The following GET1 variants were observed in gnomAD, a reference collection of about 807,000 sequenced individuals.
The protein encoded by GET1 is congenital heart disease 5 protein.
A neutral mutation model predicts 22.6 loss-of-function variants in GET1; 20 were observed. That is an observed-to-expected ratio of 0.89 (90% CI 0.62 to 1.29). The LOEUF is 1.29. Ranked by LOEUF, GET1 falls within the 50% of genes most tolerant of loss-of-function variation. The probability of loss-of-function intolerance (pLI) is 0.00; values close to 1 mark genes in which losing one functional copy is unlikely to be tolerated. For synonymous variants in GET1, 92 were observed against 83.8 expected (o/e 1.10, Z -0.53); for missense variants, 209 against 219.9 (o/e 0.95, Z 0.31).
intron 1 of GET1, among the ~76,000 whole-genome samples, chr21:39,417,804 C>CAGCCAG (rs2041507058): frequency 6.6e-6 from 1 of 151,822 alleles, no homozygotes; most frequent in South Asian, 2.1e-4. Context: ...CTCGCTCTGT[C>CAGCCAG]GCCCAGGCTG....
chr21:39,391,915 T>G (rs1031926217), intron 3 of GET1, 79 bp downstream of exon 3: 2 of 1,438,996 alleles, frequency 1.4e-6, no homozygotes, highest in Admixed American at 3.4e-5. Flanking sequence ...GATCCAGGGC[T>G]GGGAGTTCGG....
At chr21:39,400,597 C>G (rs917424413), downstream of GET1, among the ~76,000 whole-genome samples, 4 of 152,112 alleles carry the variant, frequency 2.6e-5, no homozygotes, top group African/African-American at 4.8e-5. Context: ...CTTATAAGGC[C>G]TGCGGTATGG....
At chr21:39,425,483 A>G (rs1008971778) in intron 1 of GET1, among the ~76,000 whole-genome samples, 3 of 152,190 alleles carry the variant, frequency 2.0e-5, no homozygotes, top group African/African-American at 7.2e-5. Flanking sequence ...AGTAGGGGCT[A>G]TGGCTGAATA....
At chr21:39,406,853 C>A, downstream of GET1, 1 of 417,536 alleles carries the variant, frequency 2.4e-6, no homozygotes, top group Middle Eastern at 6.7e-4. Flanking sequence ...AGAAAAATGA[C>A]ATTCATAGAA....
intron 4 of GET1, among the ~76,000 whole-genome samples, chr21:39,396,344 C>T (rs2299741): frequency 0.65 from 98,581 of 151,796 alleles, 32,528 homozygotes; most frequent in East Asian, 0.78. Flanking sequence ...ATCGAGACCA[C>T]GGTGAAACCC....
At chr21:39,386,410 TGC>T (rs2037905183) in intron 1 of GET1, 1 of 152,268 alleles carries the variant, frequency 6.6e-6, no homozygotes, top group African/African-American at 2.4e-5. Flanking sequence ...GCTTGTGAAG[TGC>T]GCATGTGCGG....
chr21:39,406,079 C>T, exon 5 of GET1: 1 of 1,614,202 alleles, frequency 6.2e-7, no homozygotes. Context: ...AAGACATAGC[C>T]TGATCCAAAG....
intron 1 of GET1, among the ~76,000 whole-genome samples, chr21:39,427,525 G>C (rs555613555): frequency 2.0e-5 from 3 of 152,170 alleles, no homozygotes; most frequent in East Asian, 3.9e-4. Context: ...AGCCGGGCGT[G>C]GTGGTGGGTG....
intron 1 of GET1, among the ~76,000 whole-genome samples, chr21:39,382,938 CTTTTTATT>C (rs2037642585): frequency 6.6e-6 from 1 of 151,936 alleles, no homozygotes; most frequent in Non-Finnish European, 1.5e-5. Context: ...TTTATTTATT[CTTTTTATT>C]TTTTTATTTA....
chr21:39,410,137 C>T, downstream of GET1: 2 of 1,398,590 alleles, frequency 1.4e-6, no homozygotes, highest in Non-Finnish European at 1.0e-6. Flanking sequence ...TTTGGGGGGT[C>T]TAGATAACTT....
chr21:39,413,078 T>C (rs1310522631), intron 1 of GET1, among the ~76,000 whole-genome samples: 1 of 152,214 alleles, frequency 6.6e-6, no homozygotes, highest in Non-Finnish European at 1.5e-5. Context: ...AGGATTTATT[T>C]GACCAGACTG....
downstream of GET1, chr21:39,406,796 TAC>T (rs2039136465): frequency 5.9e-6 from 3 of 512,560 alleles, no homozygotes; most frequent in Admixed American, 1.1e-4. Context: ...TGTGTTATGT[TAC>T]AGTTTCTTGG....
At chr21:39,415,512 C>T (rs1202192895) in intron 1 of GET1, among the ~76,000 whole-genome samples, 2 of 152,178 alleles carry the variant, frequency 1.3e-5, no homozygotes, top group Non-Finnish European at 2.9e-5. Flanking sequence ...AAATCTAGAC[C>T]TCTAATAACT....
intron 1 of GET1, among the ~76,000 whole-genome samples, chr21:39,385,638 C>T (rs2037834626): frequency 6.6e-6 from 1 of 152,224 alleles, no homozygotes; most frequent in Non-Finnish European, 1.5e-5. Flanking sequence ...AGGTGTACTG[C>T]GTAGGTGCCC....
Position 39,396,894 on chromosome 21 carries a change from A to G in GET1, c.480A>G (p.Leu160=). The G allele has an allele frequency of 2.5e-6, 4 of 1,614,066 alleles. No individual in the cohort carries two copies. The highest frequency in any genetic ancestry group is 3.4e-6 in the Non-Finnish European group (4 of 1,180,040). Residue 160 remains leucine, a synonymous_variant, in exon 5 of 5, where the codon TTA becomes TTG. Transcript: ENST00000649170. ...GTGTTGGAATTACCTGTTGGATTTT[A>G]GTCTGTAACAAAGTTGTCGCTATTG... ...AGGVGITCWI[L]VCNKVVAIVL... is the part of the protein sequence containing the mutation.
intron 4 of GET1, 145 bp downstream of exon 4, chr21:39,393,425 C>T (rs1431258594): frequency 4.7e-6 from 3 of 641,704 alleles, no homozygotes; most frequent in Non-Finnish European, 8.1e-6. Context: ...TGAGGCTTCC[C>T]ATGAAGAAAC....
chr21:39,401,542 G>A (rs1322019560), downstream of GET1, among the ~76,000 whole-genome samples: 3 of 152,046 alleles, frequency 2.0e-5, no homozygotes, highest in African/African-American at 4.8e-5. Context: ...TTTCCTATTC[G>A]TCAGAGTTGT....
chr21:39,380,350 C>A lies in GET1; in HGVS notation c.-35C>A. ...TGTTGTTGTGGTCCCCATGGAGCTGCCGTAGCGGACCCAGCACAGCCAGGA... is the reference window on the plus strand; with the variant it reads ...TGTTGTTGTGGTCCCCATGGAGCTGACGTAGCGGACCCAGCACAGCCAGGA... On this transcript the variant is annotated 5_prime_UTR_variant, in exon 1 of 5. Coordinates refer to ENST00000649170, the MANE Select transcript of GET1 (RefSeq NM_004627.6). The A allele has an allele frequency of 6.4e-7, 1 of 1,569,894 alleles. No individual in the cohort carries two copies. Among genetic ancestry groups the A allele is most frequent in the Non-Finnish European group, 8.6e-7 (1 of 1,156,360 alleles).
At chr21:39,387,608 C>T (rs937130535) in intron 1 of GET1, among the ~76,000 whole-genome samples, 3 of 152,088 alleles carry the variant, frequency 2.0e-5, no homozygotes, top group African/African-American at 7.2e-5. Context: ...CTACTCCCTG[C>T]GCAAAGGCTG....
Sources: allele counts gnomAD v4.1 joint callset (sites outside exome capture counted in the v4.1 genomes callset), GRCh38; gene constraint gnomAD v4.1.1; transcripts MANE v1.5; gene names NCBI Gene and HGNC (gene_info 2026-07-23, HGNC 2026-07-21).